Variants in POMK observed in about 807,000 individuals in gnomAD.
POMK encodes the protein protein O-mannose kinase, also known as Sugen kinase 196.
POMK carries 19 observed loss-of-function variants against 23.0 expected under a neutral mutation model. That is an observed-to-expected ratio of 0.83 (90% confidence interval 0.58 to 1.21). The LOEUF is 1.21. POMK is among the 50% of genes most tolerant of loss of function. The pLI, the probability that POMK is intolerant of heterozygous loss-of-function variation, is 0.00. For synonymous variants in POMK, 173 were observed against 171.6 expected, an observed-to-expected ratio of 1.01 and a Z score of -0.06; for missense variants, 410 against 431.3, an observed-to-expected ratio of 0.95 and a Z score of 0.44.
At chr8:43,094,791 C>G (rs1433993116) in intron 1 of POMK, among the ~76,000 whole-genome samples, 9 of 152,110 alleles carry the variant, frequency 5.9e-5, no homozygotes, top group Non-Finnish European at 1.2e-4. Flanking sequence ...GCAGTGGGTC[C>G]CAAGCCTTTC....
chr8:43,122,067 T>A, intron 4 of POMK, 40 bp from the exon 5 acceptor site: 1 of 1,582,614 alleles, frequency 6.3e-7, no homozygotes, highest in Non-Finnish European at 8.6e-7. Context: ...CTAAATTAGG[T>A]GAGAGTTCAG....
At chr8:43,093,633 C>G (rs1032103279) in intron 1 of POMK, 70 bp downstream of exon 1, 2 of 152,998 alleles carry the variant, frequency 1.3e-5, no homozygotes, top group Non-Finnish European at 2.9e-5. Context: ...CCCGGGGGAC[C>G]CTGTACGTGG....
intron 4 of POMK, among the ~76,000 whole-genome samples, chr8:43,104,203 A>G (rs751006206): frequency 2.0e-5 from 3 of 151,774 alleles, no homozygotes; most frequent in Non-Finnish European, 2.9e-5. Flanking sequence ...GTGCACTGCA[A>G]TCTCCACCTC....
At chr8:43,120,449 G>A (rs1811889827) in intron 4 of POMK, among the ~76,000 whole-genome samples, 1 of 151,856 alleles carries the variant, frequency 6.6e-6, no homozygotes, top group African/African-American at 2.4e-5. Flanking sequence ...TCCAACTCCT[G>A]ACCTCAGGTG....
At chr8:43,104,186 C>T (rs1453031987) in intron 4 of POMK, among the ~76,000 whole-genome samples, 1 of 151,864 alleles carries the variant, frequency 6.6e-6, no homozygotes, top group Non-Finnish European at 1.5e-5. Context: ...GCAATGGCGC[C>T]ATCTCGGTGC....
At position 43,122,274 on chromosome 8, in the gene POMK, A is replaced by T; in HGVS notation, c.450A>T (p.Glu150Asp). The T allele has an allele frequency of 1.2e-6, 2 of 1,614,208 alleles. No homozygotes were observed. The highest frequency in any genetic ancestry group is 1.7e-6 in the Non-Finnish European group (2 of 1,180,034). ...YCEDDNTMLTEYHPLGSLSNL... is the reference protein window; with the variant it reads ...YCEDDNTMLTDYHPLGSLSNL... The stretch of plus-strand genomic sequence containing the variant: ...AGGATGACAACACTATGCTTACTGA[A>T]TATCACCCTCTAGGTTCCTTGAGTA... The change falls in exon 5 of 5, where the codon GAA becomes GAT. Residue 150 changes from glutamate to aspartate, a missense_variant. Physicochemically the swap from Glu to Asp is conservative, Grantham distance 45. Coordinates refer to ENST00000331373, the MANE Select transcript of POMK (RefSeq NM_032237.5).
At chr8:43,101,433 A>AAG (rs1215620070) in intron 2 of POMK, among the ~76,000 whole-genome samples, 2,379 of 151,696 alleles carry the variant, frequency 0.016, 77 homozygotes, top group African/African-American at 0.054. Flanking sequence ...AAAAAAAAAA[A>AAG]AAAAGGAAGA....
chr8:43,109,643 A>C (rs1295855843), intron 4 of POMK, among the ~76,000 whole-genome samples: 2 of 152,090 alleles, frequency 1.3e-5, no homozygotes, highest in African/African-American at 4.8e-5. Flanking sequence ...CCTGGGTTCA[A>C]GTGATTCTCC....
rs1811949909 is a variant in POMK, at chr8:43,122,769, C to G, written c.945C>G (p.Ser315Arg). Residue 315 changes from serine (S) to arginine (R), a missense_variant, in exon 5 of 5, where the codon AGC becomes AGG. Physicochemically the swap from Ser to Arg is moderately radical, Grantham distance 110 (BLOSUM62 -1). Coordinates refer to ENST00000331373, the MANE Select transcript of POMK (RefSeq NM_032237.5). Reference protein sequence around the residue: ...HLFDIHKACKSQTPSERPTAQ... With the variant: ...HLFDIHKACKRQTPSERPTAQ... The stretch of plus-strand genomic sequence containing the variant: ...TTGATATTCACAAAGCATGCAAGAG[C>G]CAGACTCCCTCAGAAAGACCCACTG... 4.3e-6 allele frequency: 7 copies of G among 1,614,012 alleles called. No homozygotes were observed. The highest frequency in any genetic ancestry group is 1.6e-4 in the Middle Eastern group (1 of 6,084).
At chr8:43,110,987 C>A (rs376703783) in intron 4 of POMK, among the ~76,000 whole-genome samples, 1 of 152,108 alleles carries the variant, frequency 6.6e-6, no homozygotes, top group African/African-American at 2.4e-5. Context: ...CTACAGCACC[C>A]AGTGTGAGCG....
intron 4 of POMK, among the ~76,000 whole-genome samples, chr8:43,106,059 G>A (rs191188359): frequency 2.4e-4 from 37 of 152,222 alleles, no homozygotes; most frequent in Middle Eastern, 3.4e-3. Flanking sequence ...AATTTTCTGC[G>A]GAACCTCCAT....
At chr8:43,116,369 A>G (rs1307817708) in intron 4 of POMK, among the ~76,000 whole-genome samples, 1 of 152,142 alleles carries the variant, frequency 6.6e-6, no homozygotes, top group Non-Finnish European at 1.5e-5. Flanking sequence ...AACTCCAGTG[A>G]TCCTCCCACC....
chr8:43,106,023 C>T (rs1811536761), intron 4 of POMK, among the ~76,000 whole-genome samples: 1 of 152,152 alleles, frequency 6.6e-6, no homozygotes, highest in Non-Finnish European at 1.5e-5. Flanking sequence ...AGTGGAATTG[C>T]TGGATCATAT....
At chr8:43,098,600 A>T (rs1389287311) in intron 2 of POMK, among the ~76,000 whole-genome samples, 4 of 151,914 alleles carry the variant, frequency 2.6e-5, no homozygotes, top group Non-Finnish European at 2.9e-5. Context: ...TGTGTGTGTG[A>T]GTGTGTGTGT....
At chr8:43,106,487 T>C (rs1413880352) in intron 4 of POMK, among the ~76,000 whole-genome samples, 3 of 151,768 alleles carry the variant, frequency 2.0e-5, no homozygotes, top group East Asian at 1.9e-4. Context: ...TGGTTTGTTA[T>C]AATCCCATTG....
intron 1 of POMK, among the ~76,000 whole-genome samples, chr8:43,095,801 C>T (rs1177345309): frequency 1.3e-5 from 2 of 152,192 alleles, no homozygotes; most frequent in African/African-American, 2.4e-5. Flanking sequence ...CTTGTATAAG[C>T]TTCAGGCCCC....
intron 4 of POMK, among the ~76,000 whole-genome samples, chr8:43,113,221 C>T (rs553067260): frequency 6.6e-6 from 1 of 152,246 alleles, no homozygotes; most frequent in East Asian, 1.9e-4. Flanking sequence ...AACTTGGTTC[C>T]ATTCTCCCCA....
rs372013138 is a variant in POMK at position 43,103,506 on chromosome 8, C to T, written c.-21-22C>T. The stretch of plus-strand genomic sequence containing the variant: ...AAGTGAAAGCTGACTGTCATGACTT[C>T]TTGTTTCATTGTGTATTTTAGGAAA... On this transcript the variant is annotated intron_variant, in intron 3 of 4. Transcript: ENST00000331373. 5.6e-6 allele frequency: 9 copies of T among 1,607,184 alleles called. No individual in the cohort carries two copies. In the African/African-American group the frequency reaches 9.4e-5, roughly 17 times the overall value.
chr8:43,118,216 C>T (rs1028146957), intron 4 of POMK, among the ~76,000 whole-genome samples: 2 of 152,042 alleles, frequency 1.3e-5, no homozygotes, highest in Non-Finnish European at 2.9e-5. Context: ...CACTATGAAA[C>T]ATTACTCAGC....
Sources: allele counts gnomAD v4.1 joint callset (sites outside exome capture counted in the v4.1 genomes callset), GRCh38; gene constraint gnomAD v4.1.1; transcripts MANE v1.5; gene names NCBI Gene and HGNC (gene_info 2026-07-23, HGNC 2026-07-21).